Variants in RAMP3 observed in about 807,000 individuals in gnomAD.
RAMP3 encodes the protein receptor activity modifying protein 3.
In RAMP3, 14 loss-of-function variants were observed where a neutral mutation model predicts 13.5. That is an observed-to-expected ratio of 1.04 (90% CI 0.69 to 1.63). RAMP3 has a LOEUF of 1.63. Among genes scored for constraint, RAMP3 ranks in the 40% most tolerant of loss-of-function variants. RAMP3 has a pLI of 0.00. For synonymous variants in RAMP3, 106 were observed against 88.3 expected (o/e 1.20, Z -1.12); for missense variants, 200 against 204.8 (o/e 0.98, Z 0.14).
At chr7:45,177,802 A>G (rs772579733) in intron 2 of RAMP3, among the ~76,000 whole-genome samples, 7 of 152,090 alleles carry the variant, frequency 4.6e-5, no homozygotes, top group Non-Finnish European at 1.0e-4. Context: ...TGTTCTAGCA[A>G]TTCTACACTG....
chr7:45,172,191 C>G (rs1294948), intron 1 of RAMP3, among the ~76,000 whole-genome samples: 2 of 152,022 alleles, frequency 1.3e-5, no homozygotes, highest in African/African-American at 4.8e-5. Flanking sequence ...CTCCTGCAAC[C>G]TGGAGCTGGG....
Position 45,176,443 on chromosome 7 carries a change from G to GCA in RAMP3, c.59-850_59-849dup, listed in dbSNP as rs757286658. 2.2e-3 allele frequency among the ~76,000 whole-genome samples: 292 copies of GCA among 133,516 alleles called. 1 individual carries two copies. The highest frequency in any genetic ancestry group is 4.0e-3 in the Middle Eastern group (1 of 248). The allele number at this position is 133,516 out of a possible 152,430, so 87.6% of individuals were successfully genotyped here. ...AGACACAGACAGCAGGGCTGTGCGT[G>GCA]CACACACACACACACACCCGAGACA... On this transcript the variant is annotated intron_variant, in intron 1 of 2. Transcript: ENST00000242249.
At chr7:45,181,268 T>G (rs959716703) in intron 2 of RAMP3, among the ~76,000 whole-genome samples, 1 of 152,246 alleles carries the variant, frequency 6.6e-6, no homozygotes, top group Non-Finnish European at 1.5e-5. Context: ...CTGAAGCCAC[T>G]GTCCATGCTG....
intron 2 of RAMP3, among the ~76,000 whole-genome samples, 193 bp downstream of exon 2, chr7:45,177,634 T>A (rs1786219761): frequency 6.6e-6 from 1 of 152,048 alleles, no homozygotes. Context: ...CACGCTCCTA[T>A]TCACACTCTG....
chr7:45,163,987 C>G (rs1397927106), intron 1 of RAMP3: 1 of 644,400 alleles, frequency 1.6e-6, no homozygotes, highest in Non-Finnish European at 1.9e-6. Context: ...GGCTGAAAAC[C>G]CACTTCTGCC....
intron 1 of RAMP3, among the ~76,000 whole-genome samples, chr7:45,174,888 G>A (rs548993982): frequency 3.9e-5 from 6 of 152,300 alleles, no homozygotes; most frequent in South Asian, 2.1e-4. Flanking sequence ...AACACAGTCC[G>A]CAACACATGA....
At chr7:45,175,480 T>C (rs909236432) in intron 1 of RAMP3, among the ~76,000 whole-genome samples, 3 of 152,192 alleles carry the variant, frequency 2.0e-5, no homozygotes, top group African/African-American at 7.2e-5. Flanking sequence ...TGCTGGGACC[T>C]GCAAGTCCTC....
intron 1 of RAMP3, among the ~76,000 whole-genome samples, chr7:45,164,538 A>AT (rs1785922163): frequency 7.4e-6 from 1 of 134,856 alleles, no homozygotes; most frequent in African/African-American, 3.2e-5. Context: ...TTGTCTCAAA[A>AT]GAAAAAAAAA....
intron 2 of RAMP3, 105 bp from the exon 3 acceptor site, chr7:45,183,052 A>G: frequency 3.4e-6 from 5 of 1,490,730 alleles, no homozygotes; most frequent in Non-Finnish European, 3.6e-6. Flanking sequence ...AGGTGGCCAA[A>G]TGGGACTGTA....
At chr7:45,168,698 G>A (rs1786021402) in intron 1 of RAMP3, among the ~76,000 whole-genome samples, 2 of 152,078 alleles carry the variant, frequency 1.3e-5, no homozygotes, top group African/African-American at 2.4e-5. Context: ...GATTTTCTAA[G>A]TATAAAATCG....
chr7:45,177,517 C>T, intron 2 of RAMP3, 76 bp downstream of exon 2: 1 of 1,591,230 alleles, frequency 6.3e-7, no homozygotes, highest in Non-Finnish European at 8.6e-7. Context: ...CTGACCACAG[C>T]CTGACCGCAC....
chr7:45,161,597 G>T (rs1785867849), intron 1 of RAMP3, among the ~76,000 whole-genome samples: 1 of 151,600 alleles, frequency 6.6e-6, no homozygotes, highest in Non-Finnish European at 1.5e-5. Context: ...CTTCCAAGAA[G>T]AGGAGGAAGG....
chr7:45,180,058 C>G (rs773320148), intron 2 of RAMP3, among the ~76,000 whole-genome samples: 8 of 152,260 alleles, frequency 5.3e-5, no homozygotes, highest in Admixed American at 2.6e-4. Context: ...AACGAAAATA[C>G]TGTCAGACGT....
At chr7:45,177,186 G>T (rs17172483) in intron 1 of RAMP3, 123 bp from the exon 2 acceptor site, 60,311 of 1,290,322 alleles carry the variant, frequency 0.047, 1,880 homozygotes, top group African/African-American at 0.14. Flanking sequence ...CCGCTGGAAC[G>T]GTCTCAGGCT....
Position 45,183,036 on chromosome 7 carries a change from G to A in RAMP3, c.192-121G>A, listed in dbSNP as rs149593162. 2,595 of 1,381,426 alleles carry A rather than the reference G, an allele frequency of 1.9e-3. 3 individuals carry two copies. The highest frequency in any genetic ancestry group is 2.3e-3 in the Non-Finnish European group (2,377 of 1,012,086). The allele number at this position is 1,381,426 out of a possible 1,614,324, so 85.6% of individuals were successfully genotyped here. ...AATGGGGATTTTCCAAGGCTGGGCT[G>A]TGAATAGGTGGCCAAATGGGACTGT... On this transcript the variant is annotated intron_variant, in intron 2 of 2. Coordinates refer to ENST00000242249, the MANE Select transcript of RAMP3 (RefSeq NM_005856.3).
rs1786198096 is a variant in RAMP3, at chr7:45,176,894, G to GT, written c.59-415_59-414insT. On this transcript the variant is annotated intron_variant, in intron 1 of 2. Coordinates refer to ENST00000242249, the MANE Select transcript of RAMP3 (RefSeq NM_005856.3). ...GAGCCCTCCTCTGCCGCCCCTGCAGGCAGTGGGATGGTCCCCAGGTCTTAG... is the reference window on the plus strand; with the variant it reads ...GAGCCCTCCTCTGCCGCCCCTGCAGGTCAGTGGGATGGTCCCCAGGTCTTAG... Among the ~76,000 whole-genome samples the GT allele has an allele frequency of 2.6e-5, 4 of 152,334 alleles. No homozygotes were observed. The South Asian group carries it at 8.3e-4, about 32-fold the overall frequency.
intron 1 of RAMP3, among the ~76,000 whole-genome samples, chr7:45,174,521 C>A (rs1008891471): frequency 6.6e-6 from 1 of 152,202 alleles, no homozygotes; most frequent in Non-Finnish European, 1.5e-5. Context: ...CTCAAGTCCT[C>A]TTAGGTGATC....
In RAMP3 at chr7:45,168,659, C is replaced by G. The variant is rs190164562; in HGVS notation, c.59-8650C>G. On this transcript the variant is annotated intron_variant, in intron 1 of 2. Coordinates refer to ENST00000242249, the MANE Select transcript of RAMP3 (RefSeq NM_005856.3). ...GTTTATTACCTGTAACAGTCTCTCT[C>G]TGTGTGTGCCTGTATGTTGATTCTT... Among the ~76,000 whole-genome samples, 1,372 of 151,904 alleles carry G rather than the reference C, an allele frequency of 9.0e-3. 16 individuals are homozygous for G. Among genetic ancestry groups the G allele is most frequent in the Non-Finnish European group, 0.014 (979 of 67,940 alleles).
rs558761955 is a variant in RAMP3 at position 45,183,296 on chromosome 7, T to G, written c.331T>G (p.Leu111Val). 1 of 1,614,112 alleles carries G rather than the reference T, an allele frequency of 6.2e-7. No homozygotes were observed. Among genetic ancestry groups the G allele is most frequent in the African/African-American group, 1.3e-5 (1 of 75,058 alleles). The part of the protein sequence containing the change: ...FSNCTVDRVH[L>V]EDPPDEVLIP... Reference sequence around the variant, plus strand: ...CAACTGCACCGTGGACAGGGTCCACTTGGAGGACCCCCCAGACGAGGTTCT... The same window carrying G: ...CAACTGCACCGTGGACAGGGTCCACGTGGAGGACCCCCCAGACGAGGTTCT... The change falls in exon 3 of 3, where the codon TTG becomes GTG. Residue 111 changes from leucine to valine, a missense_variant. By Grantham distance (32) the Leu-to-Val change is conservative (BLOSUM62 1). Coordinates refer to ENST00000242249, the MANE Select transcript of RAMP3 (RefSeq NM_005856.3).
Sources: gnomAD v4.1 joint callset for allele counts (sites outside exome capture counted in the v4.1 genomes callset) on GRCh38, gnomAD v4.1.1 for gene constraint, MANE v1.5 for transcripts, NCBI Gene and HGNC (gene_info 2026-07-23, HGNC 2026-07-21) for gene names.